SLC39A14: variants seen among roughly 807,000 people sequenced by gnomAD.
The protein encoded by SLC39A14 is metal cation symporter ZIP14.
In SLC39A14, 19 loss-of-function variants were observed where a neutral mutation model predicts 45.5. The observed-to-expected ratio is 0.42, with a 90% confidence interval of 0.29 to 0.61. The LOEUF is 0.61. Ranked by LOEUF, SLC39A14 falls within the 20% of genes least tolerant of loss-of-function variation. The pLI is 0.22. For missense variants in SLC39A14, 447 were observed against 616.5 expected (o/e 0.73, Z 2.91); for synonymous variants, 264 against 251.3 (o/e 1.05, Z -0.48).
At chr8:22,370,699 G>A (rs1390345482) in intron 1 of SLC39A14, among the ~76,000 whole-genome samples, 1 of 152,144 alleles carries the variant, frequency 6.6e-6, no homozygotes, top group African/African-American at 2.4e-5. Context: ...AGAGGAAGGG[G>A]CCATTTGTCC....
At position 22,420,104 on chromosome 8, in the gene SLC39A14, C is replaced by G; in HGVS notation, c.*406C>G. On this transcript the variant is annotated 3_prime_UTR_variant, in exon 9 of 9. Transcript: ENST00000381237. ...GGCTAGAAATATCAAGAGTTGAATC[C>G]ATAGTGTGGGGCCCATGACTCTAGC... The G allele has an allele frequency of 2.0e-6, 2 of 990,572 alleles. No individual in the cohort carries two copies. Among genetic ancestry groups the G allele is most frequent in the Non-Finnish European group, 2.4e-6 (2 of 833,308 alleles). 61.4% of individuals were successfully genotyped at this position (990,572 alleles called of 1,614,324 possible).
intron 4 of SLC39A14, 63 bp from the exon 5 acceptor site, chr8:22,414,717 G>A (rs915913169): frequency 1.4e-5 from 21 of 1,534,102 alleles, no homozygotes; most frequent in Non-Finnish European, 1.7e-5. Flanking sequence ...TAAGAGATAA[G>A]AGGGGGATCA....
At chr8:22,404,476 C>G in intron 1 of SLC39A14, 4 of 158,406 alleles carry the variant, frequency 2.5e-5, no homozygotes, top group South Asian at 1.8e-4. Flanking sequence ...TTTTTTTTTT[C>G]ATTTTTCAAT....
chr8:22,390,659 G>T, intron 1 of SLC39A14: 1 of 171,224 alleles, frequency 5.8e-6, no homozygotes, highest in East Asian at 1.6e-4. Flanking sequence ...TCGTCATTTG[G>T]TCAAATTGCT....
At position 22,421,434 on chromosome 8, in the gene SLC39A14, G is replaced by C. The variant is rs924360230; in HGVS notation, c.*1736G>C. The stretch of plus-strand genomic sequence containing the variant: ...TTGGCTTCAATACATTTGAGAATAC[G>C]CTGAAGAGGGAAAATTTCAGTGATG... On this transcript the variant is annotated 3_prime_UTR_variant, in exon 9 of 9. Coordinates refer to ENST00000381237, the MANE Select transcript of SLC39A14 (RefSeq NM_001128431.4). 26 of 985,562 alleles carry C rather than the reference G, an allele frequency of 2.6e-5. No homozygotes were observed. The highest frequency in any genetic ancestry group is 3.5e-5 in the African/African-American group (2 of 57,204). The allele number at this position is 985,562 out of a possible 1,614,324, so 61.1% of individuals were successfully genotyped here. A position where few individuals can be genotyped will look rare whatever the true frequency, so the allele number is the denominator to read the frequency against.
intron 2 of SLC39A14, 84 bp from the exon 3 acceptor site, chr8:22,408,225 TG>T: frequency 8.2e-7 from 1 of 1,224,660 alleles, no homozygotes; most frequent in Non-Finnish European, 1.2e-6. Flanking sequence ...CTTTTTCCTC[TG>T]GGAAGGCTGA....
At position 22,367,970 on chromosome 8, in the gene SLC39A14, C is replaced by A. The variant is rs1702619371; in HGVS notation, c.-16+562C>A. Among the ~76,000 whole-genome samples, 1 of 152,142 alleles carries A rather than the reference C, an allele frequency of 6.6e-6. No homozygotes were observed. The highest frequency in any genetic ancestry group is 6.6e-5 in the Admixed American group (1 of 15,266). On this transcript the variant is annotated intron_variant, in intron 1 of 8. Coordinates refer to ENST00000381237, the MANE Select transcript of SLC39A14 (RefSeq NM_001128431.4). The surrounding 1 kb of genome is among the most constrained non-coding windows in gnomAD (Gnocchi z 4.2). ...AAGTTAGGTGGTCGGGTTCAGGCTG[C>A]CCCCTCTTGGTGGGTGAGGGCAGTG...
At chr8:22,409,499 C>T (rs1835439201) in intron 3 of SLC39A14, among the ~76,000 whole-genome samples, 1 of 152,186 alleles carries the variant, frequency 6.6e-6, no homozygotes, top group Admixed American at 6.5e-5. Context: ...TCTCCTGCCT[C>T]AGCCTCCTGA....
rs181620447 is a variant in SLC39A14 at position 22,371,788 on chromosome 8, A to G, written c.-16+4380A>G. Among the ~76,000 whole-genome samples, 264 of 143,974 alleles carry G rather than the reference A, an allele frequency of 1.8e-3. 6 individuals are homozygous for G. In the East Asian group the frequency reaches 0.039, roughly 21 times the overall value. The allele number at this position is 143,974 out of a possible 152,430, so 94.5% of individuals were successfully genotyped here. ...GAGACGGAGCCTTGCTCTGTGGCCC[A>G]GGCTGGAGTGCAGTGGCACGATCTC... On this transcript the variant is annotated intron_variant, in intron 1 of 8. Coordinates refer to ENST00000381237, the MANE Select transcript of SLC39A14 (RefSeq NM_001128431.4).
chr8:22,385,875 T>G (rs1177846598), intron 1 of SLC39A14, among the ~76,000 whole-genome samples: 1 of 152,186 alleles, frequency 6.6e-6, no homozygotes, highest in Non-Finnish European at 1.5e-5. Flanking sequence ...GATTTTATTC[T>G]TCATATACTG....
In SLC39A14 at chr8:22,417,734, C is replaced by T; in HGVS notation, c.1231C>T (p.Leu411=). 1.2e-6 allele frequency: 2 copies of T among 1,614,182 alleles called. No individual in the cohort carries two copies. Among genetic ancestry groups the T allele is most frequent in the Non-Finnish European group, 1.7e-6 (2 of 1,180,028 alleles). Reference sequence around the variant, plus strand: ...CTTCCTTTCTGCCTGCTGCTGCTACCTGGGTCTGGCCTTTGGCATCCTGGC... The same window carrying T: ...CTTCCTTTCTGCCTGCTGCTGCTACTTGGGTCTGGCCTTTGGCATCCTGGC... ...FNFLSACCCY[L]GLAFGILAGS... Residue 411 remains leucine (L), a synonymous_variant, in exon 8 of 9, where the codon CTG becomes TTG. Coordinates refer to ENST00000381237, the MANE Select transcript of SLC39A14 (RefSeq NM_001128431.4).
At chr8:22,414,120 G>A (rs80064387) in intron 4 of SLC39A14, among the ~76,000 whole-genome samples, 3,671 of 152,106 alleles carry the variant, frequency 0.024, 148 homozygotes, top group African/African-American at 0.085. Context: ...CTTACCCTAG[G>A]ACAGAATTCT....
intron 1 of SLC39A14, among the ~76,000 whole-genome samples, chr8:22,403,915 A>AAAC (rs1563558029): frequency 6.7e-6 from 1 of 150,252 alleles, no homozygotes; most frequent in African/African-American, 2.5e-5. Flanking sequence ...GACTGTCTCA[A>AAAC]AAACAAACAA....
At chr8:22,394,033 A>C (rs1169930661) in intron 1 of SLC39A14, among the ~76,000 whole-genome samples, 2 of 141,428 alleles carry the variant, frequency 1.4e-5, no homozygotes, top group Non-Finnish European at 3.0e-5. Context: ...TTTGAGACAG[A>C]GTCTCGCTCT....
At chr8:22,414,076 G>T (rs1835736360) in intron 4 of SLC39A14, among the ~76,000 whole-genome samples, 1 of 152,018 alleles carries the variant, frequency 6.6e-6, no homozygotes. Flanking sequence ...CAGGTCATTA[G>T]ACACATTCAC....
At chr8:22,385,216 G>A (rs1346639235) in intron 1 of SLC39A14, among the ~76,000 whole-genome samples, 2 of 152,192 alleles carry the variant, frequency 1.3e-5, no homozygotes, top group Non-Finnish European at 2.9e-5. Context: ...AAGGTTGCTT[G>A]TAGTTCACCC....
intron 3 of SLC39A14, 29 bp downstream of exon 3, chr8:22,408,525 A>G (rs779604913): frequency 3.4e-5 from 55 of 1,595,012 alleles, no homozygotes; most frequent in Non-Finnish European, 4.6e-5. Flanking sequence ...GCAGGAGCCC[A>G]TCTCCCATCT....
At chr8:22,374,664 T>G (rs1833114208) in intron 1 of SLC39A14, among the ~76,000 whole-genome samples, 1 of 151,812 alleles carries the variant, frequency 6.6e-6, no homozygotes, top group Non-Finnish European at 1.5e-5. Flanking sequence ...GAGTGTTCTC[T>G]TGGAACTCAG....
chr8:22,389,017 A>G (rs1322836181), intron 1 of SLC39A14, among the ~76,000 whole-genome samples: 1 of 152,112 alleles, frequency 6.6e-6, no homozygotes, highest in Non-Finnish European at 1.5e-5. Flanking sequence ...CCTCTTGAGC[A>G]GGGACGACGC....
Sources: allele counts gnomAD v4.1 joint callset (sites outside exome capture counted in the v4.1 genomes callset), GRCh38; gene constraint gnomAD v4.1.1; non-coding constraint Gnocchi (gnomAD v3.1); transcripts MANE v1.5; gene names NCBI Gene and HGNC (gene_info 2026-07-23, HGNC 2026-07-21).